Variants in PYGB observed in about 807,000 individuals in gnomAD.
PYGB encodes the protein glycogen phosphorylase, brain form.
In PYGB, 82 loss-of-function variants were observed where a neutral mutation model predicts 94.3. The ratio of observed to expected loss-of-function variants is 0.87; its 90% confidence interval spans 0.73 to 1.04. PYGB has a LOEUF of 1.04. Ranked by LOEUF, PYGB falls within the 50% of genes least tolerant of loss-of-function variation. The pLI is 0.00. For missense variants in PYGB, 1,132 were observed against 1,158.2 expected (o/e 0.98, Z 0.33); for synonymous variants, 488 against 479.1 (o/e 1.02, Z -0.24).
chr20:25,250,905 T>TTCTA (rs1262141183), intron 1 of PYGB: 3 of 152,228 alleles, frequency 2.0e-5, no homozygotes, highest in Non-Finnish European at 4.4e-5. Flanking sequence ...TGTAACCCAC[T>TTCTA]TCTATCGCCC....
chr20:25,284,093 C>T lies in PYGB; in HGVS notation c.1621-11C>T. ...GAAGTCTCCAGCCATCTTTCCCTTT[C>T]ACCCTCCCAGGAGAACAAGCTCAAG... On this transcript the variant is annotated splice_polypyrimidine_tract_variant and intron_variant, in intron 13 of 19. Transcript: ENST00000216962. 6.2e-7 allele frequency: 1 copy of T among 1,612,840 alleles called. No individual in the cohort carries two copies.
chr20:25,260,651 G>A (rs1286098131), intron 2 of PYGB, among the ~76,000 whole-genome samples: 1 of 152,190 alleles, frequency 6.6e-6, no homozygotes, highest in African/African-American at 2.4e-5. Flanking sequence ...CCCACCGAGC[G>A]TGAGAGCATG....
rs942913231 is a variant in PYGB, at chr20:25,297,430, C to T, written c.*908C>T. 3 of 152,552 alleles carry T rather than the reference C, an allele frequency of 2.0e-5. No homozygotes were observed. The highest frequency in any genetic ancestry group is 6.5e-5 in the Admixed American group (1 of 15,290). 9.4% of individuals were successfully genotyped at this position (152,552 alleles called of 1,614,324 possible). A position where few individuals can be genotyped will look rare whatever the true frequency, so the allele number is the denominator to read the frequency against. On this transcript the variant is annotated 3_prime_UTR_variant, in exon 20 of 20. Coordinates refer to ENST00000216962, the MANE Select transcript of PYGB (RefSeq NM_002862.4). Reference sequence around the variant, plus strand: ...CAGGTCTGTGCCCTCCCGCTGACTCCTGCTGTGTCCTGAGGTGCATTTCCT... The same window carrying T: ...CAGGTCTGTGCCCTCCCGCTGACTCTTGCTGTGTCCTGAGGTGCATTTCCT...
chr20:25,283,388 G>A, intron 13 of PYGB, 111 bp downstream of exon 13: 1 of 883,456 alleles, frequency 1.1e-6, no homozygotes, highest in Non-Finnish European at 1.7e-6. Flanking sequence ...GTACCCACTG[G>A]GGCTTTAGTG....
rs199902111 is a variant in PYGB, at chr20:25,283,180, T to C, written c.1523T>C (p.Ile508Thr). 59 of 1,612,524 alleles carry C rather than the reference T, an allele frequency of 3.7e-5. No homozygotes were observed. The highest frequency in any genetic ancestry group is 5.5e-5 in the South Asian group (5 of 91,034). ...PGLADTIVEK[I>T]GEEFLTDLSQ... ...CGGAACCTTTACGTTCTCCAGAAAA[T>C]TGGGGAGGAGTTCCTGACTGACCTG... The change falls in exon 13 of 20, where the codon ATT becomes ACT. Residue 508 changes from isoleucine to threonine, a missense_variant. Ile to Thr is a moderately conservative substitution (Grantham distance 89, BLOSUM62 -1). Transcript: ENST00000216962.
chr20:25,278,195 A>C, intron 7 of PYGB, 124 bp from the exon 8 acceptor site: 1 of 1,124,594 alleles, frequency 8.9e-7, no homozygotes, highest in Non-Finnish European at 1.2e-6. Flanking sequence ...CCCCAGTGTC[A>C]GGCAGCTGGG....
intron 9 of PYGB, among the ~76,000 whole-genome samples, chr20:25,279,649 C>T (rs560763867): frequency 8.2e-4 from 124 of 151,814 alleles, no homozygotes; most frequent in African/African-American, 2.7e-3. Context: ...TGCTTGAGGC[C>T]GGAAGTTAGA....
At chr20:25,268,166 C>CCCCCA (rs1555806036) in intron 2 of PYGB, among the ~76,000 whole-genome samples, 1 of 83,308 alleles carries the variant, frequency 1.2e-5, no homozygotes, top group African/African-American at 8.0e-5. Flanking sequence ...CACCCGCCCC[C>CCCCCA]CCCCCATATC....
chr20:25,268,099 GT>G (rs896887132), intron 2 of PYGB, among the ~76,000 whole-genome samples: 2 of 147,282 alleles, frequency 1.4e-5, no homozygotes, highest in African/African-American at 5.1e-5. Context: ...CGGTTATGTT[GT>G]AGTTAAACTT....
At chr20:25,250,870 G>C (rs2092885810) in intron 1 of PYGB, 1 of 152,186 alleles carries the variant, frequency 6.6e-6, no homozygotes, top group Admixed American at 6.5e-5. Context: ...AGATAAGCCA[G>C]AAGGAAAAAA....
chr20:25,253,853 C>T (rs56964222), intron 1 of PYGB, among the ~76,000 whole-genome samples: 3,341 of 152,012 alleles, frequency 0.022, 112 homozygotes, highest in African/African-American at 0.075. Flanking sequence ...CATTTTTCTC[C>T]GAATCATTTG....
At position 25,280,985 on chromosome 20, in the gene PYGB, C is replaced by T; in HGVS notation, c.1276C>T (p.Leu426=). Residue 426 remains leucine, a synonymous_variant, in exon 11 of 20, where the codon CTG becomes TTG. Coordinates refer to ENST00000216962, the MANE Select transcript of PYGB (RefSeq NM_002862.4). ...AALFPGDVDR[L]RRMSVIEEGD... ...GCTGTTTCCCGGCGATGTGGACCGC[C>T]TGCGCAGGATGTCTGTGATCGAGGA... 4.3e-6 allele frequency: 7 copies of T among 1,614,140 alleles called. No homozygotes were observed. Among genetic ancestry groups the T allele is most frequent in the Non-Finnish European group, 5.9e-6 (7 of 1,179,996 alleles).
chr20:25,291,901 A>G (rs2088470759), intron 16 of PYGB, among the ~76,000 whole-genome samples: 1 of 151,284 alleles, frequency 6.6e-6, no homozygotes, highest in Non-Finnish European at 1.5e-5. Context: ...GTCCTGAGGG[A>G]CAGGCACAGA....
At chr20:25,252,118 ACAG>A (rs1010603910) in intron 1 of PYGB, among the ~76,000 whole-genome samples, 2 of 152,190 alleles carry the variant, frequency 1.3e-5, no homozygotes, top group Non-Finnish European at 2.9e-5. Flanking sequence ...GGCTTCCCTG[ACAG>A]CAGATCGCTC....
chr20:25,260,523 T>C (rs1407286897), intron 2 of PYGB, among the ~76,000 whole-genome samples: 1 of 152,216 alleles, frequency 6.6e-6, no homozygotes, highest in African/African-American at 2.4e-5. Flanking sequence ...GATGGCTGAA[T>C]AGGAACAGCT....
intron 1 of PYGB, among the ~76,000 whole-genome samples, chr20:25,252,814 T>C (rs2092891864): frequency 6.6e-6 from 1 of 152,214 alleles, no homozygotes; most frequent in South Asian, 2.1e-4. Flanking sequence ...AGTGTGATTA[T>C]TGGCCATTGG....
chr20:25,280,764 G>A (rs2088358993), intron 10 of PYGB, among the ~76,000 whole-genome samples, 185 bp from the exon 11 acceptor site: 2 of 152,210 alleles, frequency 1.3e-5, no homozygotes, highest in South Asian at 4.1e-4. Context: ...CTTGTGAGAT[G>A]CCTTGGAGGT....
rs189632338 is a variant in PYGB, at chr20:25,292,396, C to T, written c.1970-10C>T. On this transcript the variant is annotated splice_polypyrimidine_tract_variant and intron_variant, in intron 16 of 19. Transcript: ENST00000216962. ...TCACAGTGATCCCCTCCACGGGCTC[C>T]CCTCCACAGTGATCCCGGCCGCTGA... is the stretch of plus-strand genomic sequence containing the variant. 138 of 1,612,528 alleles carry T rather than the reference C, an allele frequency of 8.6e-5. No homozygotes were observed. The highest frequency in any genetic ancestry group is 4.1e-5 in the Non-Finnish European group (48 of 1,179,852).
chr20:25,278,220 G>A, intron 7 of PYGB, 99 bp from the exon 8 acceptor site: 1 of 1,367,928 alleles, frequency 7.3e-7, no homozygotes, highest in Non-Finnish European at 9.8e-7. Flanking sequence ...GCTCCTCTCG[G>A]CCTTCTGCCT....
Sources: allele counts gnomAD v4.1 joint callset (sites outside exome capture counted in the v4.1 genomes callset), GRCh38; gene constraint gnomAD v4.1.1; transcripts MANE v1.5; gene names NCBI Gene and HGNC (gene_info 2026-07-23, HGNC 2026-07-21).